SLCO3A1: variants seen among roughly 807,000 people sequenced by gnomAD.
The protein encoded by SLCO3A1 is solute carrier organic anion transporter family member 3A1.
In SLCO3A1, 27 loss-of-function variants were observed where a neutral mutation model predicts 63.1. The observed-to-expected ratio is 0.43, with a 90% confidence interval of 0.32 to 0.59. The LOEUF (loss-of-function observed/expected upper bound fraction) is 0.59. Ranked by LOEUF, SLCO3A1 falls within the 20% of genes least tolerant of loss-of-function variation. SLCO3A1 has a pLI of 0.09. For missense variants in SLCO3A1, 773 were observed against 945.8 expected (o/e 0.82, Z 2.40); for synonymous variants, 473 against 409.9 (o/e 1.15, Z -1.86).
chr15:92,076,899 T>C (rs538842256), intron 2 of SLCO3A1, among the ~76,000 whole-genome samples: 2 of 152,288 alleles, frequency 1.3e-5, no homozygotes, highest in South Asian at 4.1e-4. Flanking sequence ...TATTAGTCCA[T>C]TCTCATGCTG....
At position 92,163,112 on chromosome 15, in the gene SLCO3A1, G is replaced by C. The variant is rs1243023066; in HGVS notation, c.2110G>C (p.Glu704Gln). 2.6e-6 allele frequency: 4 copies of C among 1,525,542 alleles called. No individual in the cohort carries two copies. Among genetic ancestry groups the C allele is most frequent in the Non-Finnish European group, 3.5e-6 (4 of 1,138,566 alleles). The allele number at this position is 1,525,542 out of a possible 1,614,324, so 94.5% of individuals were successfully genotyped here. A position where few individuals can be genotyped will look rare whatever the true frequency, so the allele number is the denominator to read the frequency against. Residue 704 changes from glutamate to glutamine, a missense_variant, in exon 10 of 10, where the codon GAA becomes CAA. By Grantham distance (29) the Glu-to-Gln change is conservative. This residue lies in a region of SLCO3A1 where 139 missense variants were observed against 131.4 expected (regional missense o/e 1.06). Coordinates refer to ENST00000318445, the MANE Select transcript of SLCO3A1 (RefSeq NM_013272.4). ...IYNLEDHEWC[E>Q]NMESVL is the part of the protein sequence containing the mutation. ...TAACCTGGAAGACCATGAGTGGTGT[G>C]AAAACATGGAGTCCGTTTTATAGTG...
chr15:91,923,195 AC>A (rs1169664067), intron 2 of SLCO3A1, among the ~76,000 whole-genome samples: 1 of 152,204 alleles, frequency 6.6e-6, no homozygotes, highest in Non-Finnish European at 1.5e-5. Flanking sequence ...TGTCCTGTAC[AC>A]GGTGGGGATC....
Position 91,882,112 on chromosome 15 carries a change from G to T in SLCO3A1, c.180+28024G>T, listed in dbSNP as rs149549896. 4.5e-4 allele frequency among the ~76,000 whole-genome samples: 68 copies of T among 152,264 alleles called. No individual in the cohort carries two copies. In the East Asian group the frequency reaches 9.3e-3, roughly 21 times the overall value. ...CCCTTAGTTGCCTAGAAGGGAAGCAGTGCATTCCAGGATCAGGCAGTATAA... is the reference window on the plus strand; with the variant it reads ...CCCTTAGTTGCCTAGAAGGGAAGCATTGCATTCCAGGATCAGGCAGTATAA... On this transcript the variant is annotated intron_variant, in intron 1 of 9. Transcript: ENST00000318445. The surrounding 1 kb of genome is among the most constrained non-coding windows in gnomAD (Gnocchi z 4.4).
chr15:91,903,750 C>T (rs1358488836), intron 1 of SLCO3A1, among the ~76,000 whole-genome samples: 6 of 152,148 alleles, frequency 3.9e-5, no homozygotes, highest in Non-Finnish European at 8.8e-5. Context: ...GCAGCATGGC[C>T]ATAAGATGGT....
Position 91,854,292 on chromosome 15 carries a change from G to C in SLCO3A1, c.180+204G>C, listed in dbSNP as rs1208668799. ...CAGCGAGCGGGTAGCGGGCGGGACC[G>C]TTGATGCCGGTAGCAGCTCGCGCGC... On this transcript the variant is annotated intron_variant, in intron 1 of 9. Coordinates refer to ENST00000318445, the MANE Select transcript of SLCO3A1 (RefSeq NM_013272.4). The surrounding 1 kb of genome is among the most constrained non-coding windows in gnomAD (Gnocchi z 6.4). 1.8e-6 allele frequency: 2 copies of C among 1,128,342 alleles called. No homozygotes were observed. The highest frequency in any genetic ancestry group is 1.6e-5 in the African/African-American group (1 of 60,966). The allele number at this position is 1,128,342 out of a possible 1,614,324, so 69.9% of individuals were successfully genotyped here. A position where few individuals can be genotyped will look rare whatever the true frequency, so the allele number is the denominator to read the frequency against.
intron 2 of SLCO3A1, among the ~76,000 whole-genome samples, chr15:91,983,942 A>G (rs2046018572): frequency 6.6e-6 from 1 of 152,174 alleles, no homozygotes; most frequent in South Asian, 2.1e-4. Flanking sequence ...TATGGTAACT[A>G]GGCTAATCAA....
chr15:91,886,889 T>C lies in SLCO3A1; in HGVS notation c.181-29104T>C, dbSNP rs1897737647. ...TAGTCTTGCAATTTGTATATTATCA[T>C]TCAGAACCCCAGGCTCAGGAGGTTA... On this transcript the variant is annotated intron_variant, in intron 1 of 9. Transcript: ENST00000318445. This position sits in a 1 kb window ranked among gnomAD's most constrained non-coding sequence, Gnocchi z 4.9. Among the ~76,000 whole-genome samples the C allele has an allele frequency of 6.6e-6, 1 of 152,230 alleles. No individual in the cohort carries two copies. The highest frequency in any genetic ancestry group is 2.4e-5 in the African/African-American group (1 of 41,468).
intron 2 of SLCO3A1, among the ~76,000 whole-genome samples, chr15:92,047,411 T>TATATAATATATAA (rs1224757862): frequency 1.1e-4 from 1 of 9,404 alleles, no homozygotes; most frequent in East Asian, 3.7e-3. Context: ...TATATACAAA[T>TATATAATATATAA]ATATATATAA....
chr15:91,978,187 A>T lies in SLCO3A1; in HGVS notation c.646+61729A>T, dbSNP rs12323952. ...GGTCATTGACCAAAGACAGAACTTC[A>T]GTCAGTTACTGGAGGTCTTTTCCCC... is the stretch of plus-strand genomic sequence containing the variant. On this transcript the variant is annotated intron_variant, in intron 2 of 9. Transcript: ENST00000318445. Among the ~76,000 whole-genome samples the T allele has an allele frequency of 4.1e-3, 625 of 152,334 alleles. 8 individuals carry two copies. The highest frequency in any genetic ancestry group is 0.014 in the African/African-American group (598 of 41,574).
chr15:92,042,736 A>G (rs1023241332), intron 2 of SLCO3A1, among the ~76,000 whole-genome samples: 3 of 152,180 alleles, frequency 2.0e-5, no homozygotes, highest in Admixed American at 2.0e-4. Flanking sequence ...CAAAGAAGAT[A>G]GTGTGTGCTA....
chr15:92,050,838 G>A (rs971218686), intron 2 of SLCO3A1, among the ~76,000 whole-genome samples: 2 of 152,130 alleles, frequency 1.3e-5, no homozygotes, highest in Non-Finnish European at 2.9e-5. Context: ...ATGCTGTTAC[G>A]GCTCGGGATG....
intron 5 of SLCO3A1, among the ~76,000 whole-genome samples, chr15:92,122,177 C>G (rs981700927): frequency 2.6e-5 from 4 of 152,070 alleles, no homozygotes; most frequent in Non-Finnish European, 4.4e-5. Flanking sequence ...TGGTGGACAG[C>G]CCTTGACAGA....
intron 2 of SLCO3A1, among the ~76,000 whole-genome samples, chr15:91,924,405 G>A (rs977152511): frequency 2.6e-5 from 4 of 152,226 alleles, no homozygotes; most frequent in Non-Finnish European, 4.4e-5. Flanking sequence ...AGCATGTCTC[G>A]AACACATGGT....
chr15:91,922,353 C>G lies in SLCO3A1; in HGVS notation c.646+5895C>G, dbSNP rs908212043. On this transcript the variant is annotated intron_variant, in intron 2 of 9. Coordinates refer to ENST00000318445, the MANE Select transcript of SLCO3A1 (RefSeq NM_013272.4). ...AACAAGTGCTCTAACTCAGGAGGCA[C>G]ACGTATTAGACACAAAAATGTGTCA... Among the ~76,000 whole-genome samples, 11 of 152,308 alleles carry G rather than the reference C, an allele frequency of 7.2e-5. No individual in the cohort carries two copies. The East Asian group carries it at 1.7e-3, about 24-fold the overall frequency.
At chr15:92,032,041 C>T (rs938853178) in intron 2 of SLCO3A1, among the ~76,000 whole-genome samples, 4 of 152,128 alleles carry the variant, frequency 2.6e-5, no homozygotes, top group African/African-American at 4.8e-5. Context: ...AGGCCCAGGT[C>T]GTCCATGCAT....
intron 1 of SLCO3A1, among the ~76,000 whole-genome samples, chr15:91,876,030 C>T (rs138533896): frequency 3.3e-5 from 5 of 152,250 alleles, no homozygotes; most frequent in East Asian, 1.9e-4. Flanking sequence ...CTCAGCTGAG[C>T]GTGGTGGCTC....
intron 2 of SLCO3A1, among the ~76,000 whole-genome samples, chr15:91,927,841 A>C (rs1483369615): frequency 6.6e-6 from 1 of 152,230 alleles, no homozygotes; most frequent in Non-Finnish European, 1.5e-5. Flanking sequence ...AATAGATTCT[A>C]AAATTGCGTA....
In SLCO3A1 at chr15:91,942,491, C is replaced by T. The variant is rs993202251; in HGVS notation, c.646+26033C>T. ...TTGGATGTGGCCTGGAGTTGTGTGT[C>T]AGTGGCCATCCCTCTTAGATTGACG... is the stretch of plus-strand genomic sequence containing the variant. On this transcript the variant is annotated intron_variant, in intron 2 of 9. Coordinates refer to ENST00000318445, the MANE Select transcript of SLCO3A1 (RefSeq NM_013272.4). The surrounding 1 kb of genome is among the most constrained non-coding windows in gnomAD (Gnocchi z 4.1). Among the ~76,000 whole-genome samples the T allele has an allele frequency of 3.3e-5, 5 of 152,214 alleles. No homozygotes were observed. Among genetic ancestry groups the T allele is most frequent in the African/African-American group, 1.2e-4 (5 of 41,446 alleles).
chr15:91,889,087 A>G lies in SLCO3A1; in HGVS notation c.181-26906A>G, dbSNP rs928768580. 12 of 1,061,426 alleles carry G rather than the reference A, an allele frequency of 1.1e-5. No homozygotes were observed. In the African/African-American group the frequency reaches 2.0e-4, roughly 18 times the overall value. The allele number at this position is 1,061,426 out of a possible 1,614,324, so 65.8% of individuals were successfully genotyped here. A position where few individuals can be genotyped will look rare whatever the true frequency, so the allele number is the denominator to read the frequency against. On this transcript the variant is annotated intron_variant, in intron 1 of 9. Transcript: ENST00000318445. ...GCTAACATATAGCTAACATTTGTGTACTTGTTATTACAGAATAAATATATT... is the reference window on the plus strand; with the variant it reads ...GCTAACATATAGCTAACATTTGTGTGCTTGTTATTACAGAATAAATATATT...
Sources: gnomAD v4.1 joint callset for allele counts (sites outside exome capture counted in the v4.1 genomes callset) on GRCh38, gnomAD v4.1.1 for gene constraint, gnomAD v4.1.1 regional missense constraint, Gnocchi (gnomAD v3.1) non-coding constraint, MANE v1.5 for transcripts, NCBI Gene and HGNC (gene_info 2026-07-23, HGNC 2026-07-21) for gene names.